CLUL1: variants seen among roughly 807,000 people sequenced by gnomAD.
CLUL1 encodes the protein clusterin-like protein 1.
CLUL1 carries 43 observed loss-of-function variants against 49.4 expected under a neutral mutation model. The ratio of observed to expected loss-of-function variants is 0.87; its 90% CI spans 0.68 to 1.12. The LOEUF is 1.12. Among genes scored for constraint, CLUL1 ranks in the 50% most tolerant of loss-of-function variants. CLUL1 has a pLI of 0.00. For synonymous variants in CLUL1, 192 were observed against 184.9 expected (o/e 1.04, Z -0.31); for missense variants, 486 against 544.4 (o/e 0.89, Z 1.07).
intron 9 of CLUL1, among the ~76,000 whole-genome samples, chr18:648,052 G>C (rs1434140386): frequency 6.6e-6 from 1 of 152,182 alleles, no homozygotes; most frequent in African/African-American, 2.4e-5. Flanking sequence ...ACTACAACAA[G>C]AGTAACAGTA....
At chr18:610,209 G>A (rs566329249) in intron 2 of CLUL1, among the ~76,000 whole-genome samples, 1 of 151,958 alleles carries the variant, frequency 6.6e-6, no homozygotes, top group African/African-American at 2.4e-5. Context: ...ATTTAATTAT[G>A]TATGATTTTG....
At chr18:648,737 A>G (rs1026301681) in intron 9 of CLUL1, among the ~76,000 whole-genome samples, 5 of 151,790 alleles carry the variant, frequency 3.3e-5, no homozygotes, top group Admixed American at 3.3e-4. Context: ...GCTCACGGCA[A>G]CCTCCACCTC....
intron 9 of CLUL1, among the ~76,000 whole-genome samples, chr18:647,232 A>G (rs114073107): frequency 0.01 from 1,504 of 149,214 alleles, 33 homozygotes; most frequent in African/African-American, 0.035. Flanking sequence ...TCCTGCTAAA[A>G]ATACGGCAAG....
chr18:624,279 A>G (rs1002863197), intron 4 of CLUL1, among the ~76,000 whole-genome samples: 3 of 151,570 alleles, frequency 2.0e-5, no homozygotes, highest in Non-Finnish European at 4.4e-5. Flanking sequence ...TACATTATAT[A>G]TAAATATATT....
At chr18:628,773 A>G (rs1360620769) in intron 6 of CLUL1, among the ~76,000 whole-genome samples, 1 of 151,244 alleles carries the variant, frequency 6.6e-6, no homozygotes, top group African/African-American at 2.4e-5. Context: ...TGGGGATTAC[A>G]GGTGCCCGCC....
rs1430947454 is a variant in CLUL1 at position 640,493 on chromosome 18, TTTTTC to T, written c.995-829_995-825del. Among the ~76,000 whole-genome samples, 12 of 152,266 alleles carry T rather than the reference TTTTTC, an allele frequency of 7.9e-5. No homozygotes were observed. In the South Asian group the frequency reaches 2.1e-3, roughly 26 times the overall value. ...TGCCTTATTTCCAAGTTCTGGATAA[TTTTTC>T]TTTTTTAACAATATAAATATTATCA... On this transcript the variant is annotated intron_variant, in intron 7 of 9. Transcript: ENST00000692774.
intron 5 of CLUL1, among the ~76,000 whole-genome samples, 167 bp from the exon 6 acceptor site, chr18:626,930 G>GAAAGAAA: frequency 1.0e-4 from 1 of 10,002 alleles, no homozygotes; most frequent in African/African-American, 2.7e-4. Flanking sequence ...AAAGAAAGAA[G>GAAAGAAA]GAAAGAAGGA....
rs1298297875 is a variant in CLUL1, at chr18:618,120, C to T, written c.106+14C>T. On this transcript the variant is annotated intron_variant, in intron 3 of 9. Coordinates refer to ENST00000692774, the MANE Select transcript of CLUL1 (RefSeq NM_001393344.1). The surrounding 1 kb of genome is among the most constrained non-coding windows in gnomAD (Gnocchi z 4.2). ...AAAACCTGAAGAGTACGTTTGGTTTCTTATCTGTGCTGTGTCCTGTTTGCA... is the reference window on the plus strand; with the variant it reads ...AAAACCTGAAGAGTACGTTTGGTTTTTTATCTGTGCTGTGTCCTGTTTGCA... 2 of 1,585,102 alleles carry T rather than the reference C, an allele frequency of 1.3e-6. No individual in the cohort carries two copies. Among genetic ancestry groups the T allele is most frequent in the Non-Finnish European group, 1.7e-6 (2 of 1,153,856 alleles).
At chr18:619,591 T>A (rs1247546576) in intron 4 of CLUL1, among the ~76,000 whole-genome samples, 1 of 152,190 alleles carries the variant, frequency 6.6e-6, no homozygotes, top group African/African-American at 2.4e-5. Context: ...TTCATCTCTG[T>A]TTAAGTGCTG....
intron 9 of CLUL1, among the ~76,000 whole-genome samples, chr18:646,184 A>T (rs1158861744): frequency 6.6e-6 from 1 of 151,930 alleles, no homozygotes; most frequent in African/African-American, 2.4e-5. Flanking sequence ...AAAATGCGAG[A>T]TATAAAAATC....
intron 2 of CLUL1, among the ~76,000 whole-genome samples, chr18:607,486 T>G (rs1310340119): frequency 6.6e-6 from 1 of 152,092 alleles, no homozygotes; most frequent in Non-Finnish European, 1.5e-5. Flanking sequence ...TGGGCTGGAG[T>G]GTAGTGGTGC....
chr18:627,415 A>C lies in CLUL1; in HGVS notation c.742A>C (p.Ile248Leu). The C allele has an allele frequency of 6.2e-7, 1 of 1,614,060 alleles. No homozygotes were observed. The highest frequency in any genetic ancestry group is 8.5e-7 in the Non-Finnish European group (1 of 1,179,896). The change falls in exon 6 of 10, where the codon ATT (isoleucine) becomes CTT (leucine). Residue 248 changes from isoleucine to leucine, a missense_variant. Transcript: ENST00000692774. The stretch of plus-strand genomic sequence containing the variant: ...AGCAGATCTTGAGCAATGTTGGGAC[A>C]TTCCCAACTTCTTCCAGCTGTTTTG... ...TKADLEQCWD[I>L]PNFFQLFCNF...
At chr18:624,746 C>T (rs1017344101) in intron 4 of CLUL1, 119 bp from the exon 5 acceptor site, 1 of 908,186 alleles carries the variant, frequency 1.1e-6, no homozygotes, top group South Asian at 1.7e-5. Context: ...CTGCGAGGCA[C>T]CTGAAGGAGA....
At chr18:619,670 T>G (rs1360819880) in intron 4 of CLUL1, among the ~76,000 whole-genome samples, 1 of 61,300 alleles carries the variant, frequency 1.6e-5, no homozygotes, top group Non-Finnish European at 3.2e-5. Flanking sequence ...ATTTGAAGAG[T>G]TTTTTTTTTT....
intron 4 of CLUL1, among the ~76,000 whole-genome samples, chr18:619,988 G>GTGTGAGC: frequency 6.6e-6 from 1 of 152,192 alleles, no homozygotes; most frequent in African/African-American, 2.4e-5. Flanking sequence ...GGAATTACAG[G>GTGTGAGC]CATGGACCAC....
chr18:599,947 C>CAAAA (rs369269965), intron 1 of CLUL1, among the ~76,000 whole-genome samples: 58 of 132,708 alleles, frequency 4.4e-4, no homozygotes, highest in African/African-American at 7.5e-4. Flanking sequence ...GACTTCATCT[C>CAAAA]AAAAAAAAAA....
intron 9 of CLUL1, among the ~76,000 whole-genome samples, chr18:645,623 G>A (rs1457353960): frequency 2.0e-5 from 3 of 150,300 alleles, no homozygotes; most frequent in Admixed American, 1.3e-4. Context: ...GAGAAACTGC[G>A]TCTCTACTAA....
chr18:621,681 A>G (rs2073490257), intron 4 of CLUL1, among the ~76,000 whole-genome samples: 1 of 152,172 alleles, frequency 6.6e-6, no homozygotes, highest in South Asian at 2.1e-4. Flanking sequence ...GTAAACCACT[A>G]CTTTCATTTT....
intron 2 of CLUL1, among the ~76,000 whole-genome samples, chr18:613,512 T>G (rs1368150077): frequency 6.6e-6 from 1 of 151,038 alleles, no homozygotes; most frequent in Non-Finnish European, 1.5e-5. Flanking sequence ...TGGAGTGCAG[T>G]GACGCTATCT....
Sources: gnomAD v4.1 joint callset for allele counts (sites outside exome capture counted in the v4.1 genomes callset) on GRCh38, gnomAD v4.1.1 for gene constraint, Gnocchi (gnomAD v3.1) non-coding constraint, MANE v1.5 for transcripts, NCBI Gene and HGNC (gene_info 2026-07-23, HGNC 2026-07-21) for gene names.